Variants in NBDY observed in about 807,000 individuals in gnomAD.
The protein encoded by NBDY is negative regulator of P-body association.
intron 2 of NBDY, among the ~76,000 whole-genome samples, chrX:56,764,702 C>CAAAAAAAAA (rs10623590): frequency 2.8e-4 from 17 of 60,773 alleles, no homozygotes; most frequent in East Asian, 5.9e-4. Flanking sequence ...AAACAAACAC[C>CAAAAAAAAA]AAAAAAAAAA....
At chrX:56,784,145 A>G (rs748763863) in intron 2 of NBDY, among the ~76,000 whole-genome samples, 1 of 112,378 alleles carries the variant, frequency 8.9e-6, no homozygotes, top group South Asian at 3.7e-4. Flanking sequence ...AGATTTCTCT[A>G]GGAATGTGCT....
intron 2 of NBDY, among the ~76,000 whole-genome samples, chrX:56,744,235 G>A (rs1206929825): frequency 9.0e-6 from 1 of 111,147 alleles, no homozygotes; most frequent in African/African-American, 3.3e-5. Flanking sequence ...CTAACATATG[G>A]TCATGTGACC....
intron 2 of NBDY, among the ~76,000 whole-genome samples, chrX:56,742,667 G>A (rs757366649): frequency 8.1e-5 from 9 of 111,681 alleles, no homozygotes; most frequent in Non-Finnish European, 1.1e-4. Context: ...ACTGATTTTC[G>A]TATGTTGATT....
At chrX:56,781,495 G>T (rs918502404) in intron 2 of NBDY, among the ~76,000 whole-genome samples, 4 of 111,801 alleles carry the variant, frequency 3.6e-5, no homozygotes, top group Non-Finnish European at 5.6e-5. Flanking sequence ...GCCTTATCCT[G>T]TGTGAGGACA....
At position 56,761,515 on chromosome X, in the gene NBDY, C is replaced by T. The variant is rs769365018; in HGVS notation, c.*166+29316C>T. On this transcript the variant is annotated intron_variant, in intron 2 of 2. Transcript: ENST00000374922. ...GTTGGTGGCTCTTCCTCTGTGAAGC[C>T]ACAGAAGGTCACTCGGGTTGCCACC... Among the ~76,000 whole-genome samples the T allele has an allele frequency of 3.5e-5, 4 of 113,456 alleles. No homozygotes were observed. The South Asian group carries it at 1.4e-3, about 40-fold the overall frequency.
At chrX:56,765,957 C>A (rs939953765) in intron 2 of NBDY, among the ~76,000 whole-genome samples, 1 of 111,598 alleles carries the variant, frequency 9.0e-6, no homozygotes. Flanking sequence ...TGTCCCTCTG[C>A]AGAATTAGGC....
chrX:56,761,459 G>C (rs1407316010), intron 2 of NBDY, among the ~76,000 whole-genome samples: 3 of 113,221 alleles, frequency 2.6e-5, no homozygotes, highest in Admixed American at 9.2e-5. Flanking sequence ...TGCAGACCTG[G>C]GCATAAGGGG....
rs1157131797 is a variant in NBDY at position 56,730,513 on chromosome X, C to CAAAAAAAAAAAAAAAAAAAAAAAAAA, written c.*29+932_*29+957dup. On this transcript the variant is annotated intron_variant, in intron 1 of 2. Coordinates refer to ENST00000374922, the MANE Select transcript of NBDY (RefSeq NM_001348129.2). Reference sequence around the variant, plus strand: ...GCGACAATAGCAAAAAACTACGTCTCAAAAAAAAAAAAAAAAAAAAAAAAA... The same window carrying CAAAAAAAAAAAAAAAAAAAAAAAAAA: ...GCGACAATAGCAAAAAACTACGTCTCAAAAAAAAAAAAAAAAAAAAAAAAAAAAAAAAAAAAAAAAAAAAAAAAAAA... Among the ~76,000 whole-genome samples the CAAAAAAAAAAAAAAAAAAAAAAAAAA allele has an allele frequency of 1.8e-4, 2 of 11,207 alleles. 1 individual carries two copies. Among genetic ancestry groups the CAAAAAAAAAAAAAAAAAAAAAAAAAA allele is most frequent in the East Asian group, 0.01 (2 of 199 alleles). The allele number at this position is 11,207 out of a possible 115,157, so 9.7% of individuals were successfully genotyped here.
At chrX:56,764,916 G>C (rs947104284) in intron 2 of NBDY, among the ~76,000 whole-genome samples, 11 of 111,533 alleles carry the variant, frequency 9.9e-5, no homozygotes, top group Non-Finnish European at 1.9e-4. Context: ...TCTCCTGGCT[G>C]GTGGCTCTTC....
intron 2 of NBDY, among the ~76,000 whole-genome samples, chrX:56,813,165 T>C (rs1048209717): frequency 2.7e-5 from 3 of 111,276 alleles, no homozygotes; most frequent in East Asian, 5.6e-4. Flanking sequence ...TGTGCACATG[T>C]ACCCTAGAAC....
At chrX:56,804,138 C>T (rs1275950628) in intron 2 of NBDY, among the ~76,000 whole-genome samples, 1 of 112,003 alleles carries the variant, frequency 8.9e-6, no homozygotes, top group African/African-American at 3.2e-5. Context: ...TGAATTTGCA[C>T]AAGCCTCCTA....
chrX:56,755,378 TG>T (rs2069604777), intron 2 of NBDY, among the ~76,000 whole-genome samples: 1 of 112,056 alleles, frequency 8.9e-6, no homozygotes, highest in African/African-American at 3.2e-5. Flanking sequence ...AGAAAATTTT[TG>T]CAATCTACTC....
chrX:56,800,531 G>A (rs1184374225), intron 2 of NBDY, among the ~76,000 whole-genome samples: 2 of 111,329 alleles, frequency 1.8e-5, no homozygotes, highest in Non-Finnish European at 1.9e-5. Context: ...CTGGCCTAAG[G>A]GTCTGATGCT....
rs751318223 is a variant in NBDY at position 56,811,393 on chromosome X, G to C, written c.*167-5927G>C. On this transcript the variant is annotated intron_variant, in intron 2 of 2. Coordinates refer to ENST00000374922, the MANE Select transcript of NBDY (RefSeq NM_001348129.2). The stretch of plus-strand genomic sequence containing the variant: ...CCAGGTGCTCTGTCACAAGGAGGTG[G>C]GGGTTTTATCTATAAGTCCCTGACT... 2.7e-5 allele frequency among the ~76,000 whole-genome samples: 3 copies of C among 111,981 alleles called. No homozygotes were observed. In the Admixed American group the frequency reaches 2.8e-4, roughly 11 times the overall value.
intron 2 of NBDY, among the ~76,000 whole-genome samples, chrX:56,786,842 C>T (rs1363275729): frequency 1.8e-5 from 2 of 111,178 alleles, no homozygotes; most frequent in African/African-American, 3.3e-5. Context: ...GAGAAAGCTT[C>T]ACTTTCATTC....
intron 2 of NBDY, among the ~76,000 whole-genome samples, chrX:56,749,708 G>T (rs2069574613): frequency 9.4e-6 from 1 of 106,886 alleles, no homozygotes; most frequent in African/African-American, 3.5e-5. Context: ...CTCGAGTAGA[G>T]TGTCACAGTC....
chrX:56,783,320 A>G (rs892008601), intron 2 of NBDY, among the ~76,000 whole-genome samples: 1 of 113,101 alleles, frequency 8.8e-6, no homozygotes, highest in Non-Finnish European at 1.9e-5. Context: ...CAACACGCCG[A>G]AGCTCCTTTG....
At chrX:56,739,303 G>T (rs34093604) in intron 2 of NBDY, among the ~76,000 whole-genome samples, 23,913 of 77,941 alleles carry the variant, frequency 0.31, 4,908 homozygotes, top group Non-Finnish European at 0.46. Context: ...TATATATAGA[G>T]AGAGAGAGAG....
intron 2 of NBDY, among the ~76,000 whole-genome samples, chrX:56,747,231 A>G (rs745871054): frequency 8.9e-6 from 1 of 112,208 alleles, no homozygotes; most frequent in East Asian, 2.8e-4. Context: ...AAAATATAAC[A>G]TCTAACTCAC....
Sources: gnomAD v4.1 joint callset for allele counts (sites outside exome capture counted in the v4.1 genomes callset) on GRCh38, gnomAD v4.1.1 for gene constraint, MANE v1.5 for transcripts, NCBI Gene and HGNC (gene_info 2026-07-23, HGNC 2026-07-21) for gene names.